Variants in ZC3HAV1 observed in about 807,000 individuals in gnomAD.
The protein encoded by ZC3HAV1 is zinc finger CCCH-type antiviral protein 1.
A neutral mutation model predicts 86.6 loss-of-function variants in ZC3HAV1; 41 were observed. That is an observed-to-expected ratio of 0.47 (90% CI 0.37 to 0.61). The LOEUF is 0.61. Among genes scored for constraint, ZC3HAV1 ranks in the 20% least tolerant of loss-of-function variants. ZC3HAV1 has a pLI of 0.00. For missense variants in ZC3HAV1, 964 were observed against 1,141.1 expected (o/e 0.84, Z 2.24); for synonymous variants, 421 against 432.1 (o/e 0.97, Z 0.32).
chr7:139,087,110 G>A (rs930510401), intron 2 of ZC3HAV1, among the ~76,000 whole-genome samples: 15 of 152,244 alleles, frequency 9.9e-5, no homozygotes, highest in African/African-American at 2.9e-4. Context: ...CTAAGCCTCC[G>A]GGTTAACACT....
intron 2 of ZC3HAV1, among the ~76,000 whole-genome samples, chr7:139,088,214 C>T (rs1438567779): frequency 1.3e-5 from 2 of 152,102 alleles, no homozygotes; most frequent in Non-Finnish European, 2.9e-5. Flanking sequence ...AAACAGTATT[C>T]TCTGATCCTT....
At chr7:139,085,765 C>A (rs943801212) in intron 2 of ZC3HAV1, among the ~76,000 whole-genome samples, 1 of 152,144 alleles carries the variant, frequency 6.6e-6, no homozygotes, top group South Asian at 2.1e-4. Flanking sequence ...GTAATCCCAG[C>A]ACTTTGGGAG....
At position 139,064,934 on chromosome 7, in the gene ZC3HAV1, C is replaced by G; in HGVS notation, c.1938G>C (p.Pro646=). The change falls in exon 8 of 13, where the codon CCG becomes CCC. Residue 646 remains proline (P), a synonymous_variant. Coordinates refer to ENST00000242351, the MANE Select transcript of ZC3HAV1 (RefSeq NM_020119.4). ...CCGCCTGAAATGGCACAACTCCCCT[C>G]GGACAGGATTGATAGAGAGACTCCA... ...SYLESLYQSC[P]RGVVPFQAGS... The G allele has an allele frequency of 1.9e-6, 3 of 1,614,174 alleles. No homozygotes were observed. The highest frequency in any genetic ancestry group is 2.2e-5 in the East Asian group (1 of 44,890).
intron 2 of ZC3HAV1, among the ~76,000 whole-genome samples, chr7:139,086,626 G>A (rs958016045): frequency 1.3e-5 from 2 of 152,112 alleles, no homozygotes; most frequent in African/African-American, 4.8e-5. Context: ...GAAGTGATAT[G>A]GTTTGGCTGT....
intron 8 of ZC3HAV1, among the ~76,000 whole-genome samples, chr7:139,062,905 T>A (rs1336241340): frequency 1.3e-5 from 2 of 151,632 alleles, no homozygotes; most frequent in African/African-American, 4.8e-5. Flanking sequence ...AGCACACACC[T>A]GTAGTCCCAG....
At chr7:139,088,565 G>A (rs1041264871) in intron 2 of ZC3HAV1, among the ~76,000 whole-genome samples, 2 of 152,154 alleles carry the variant, frequency 1.3e-5, no homozygotes, top group Non-Finnish European at 2.9e-5. Flanking sequence ...AGATAACAGA[G>A]CTGACCTACT....
chr7:139,088,955 A>AGCCGG (rs2130718399), intron 2 of ZC3HAV1, among the ~76,000 whole-genome samples: 1 of 152,090 alleles, frequency 6.6e-6, no homozygotes, highest in African/African-American at 2.4e-5. Context: ...TATAAAAATT[A>AGCCGG]GCCGGGCATG....
chr7:139,058,985 A>G (rs1445022362), intron 9 of ZC3HAV1, among the ~76,000 whole-genome samples: 1 of 149,818 alleles, frequency 6.7e-6, no homozygotes, highest in Non-Finnish European at 1.5e-5. Flanking sequence ...TGAATTGTTA[A>G]AAAATCAAAA....
chr7:139,078,043 A>T (rs1356531429), intron 5 of ZC3HAV1, among the ~76,000 whole-genome samples: 1 of 152,202 alleles, frequency 6.6e-6, no homozygotes, highest in Non-Finnish European at 1.5e-5. Context: ...GTTCAAGACC[A>T]GCCTGGCCAA....
At chr7:139,061,217 C>A in intron 8 of ZC3HAV1, 79 bp from the exon 9 acceptor site, 2 of 1,376,944 alleles carry the variant, frequency 1.5e-6, no homozygotes, top group Non-Finnish European at 2.0e-6. Flanking sequence ...TTTGCAGAGG[C>A]TATTTACACG....
At chr7:139,060,246 A>C in intron 9 of ZC3HAV1, 1 of 985,310 alleles carries the variant, frequency 1.0e-6, no homozygotes, top group Non-Finnish European at 1.2e-6. Context: ...AACCAAAAGA[A>C]CCTAGTTAGA....
intron 1 of ZC3HAV1, among the ~76,000 whole-genome samples, chr7:139,096,398 A>G (rs1330992284): frequency 6.6e-6 from 1 of 152,130 alleles, no homozygotes; most frequent in Non-Finnish European, 1.5e-5. Flanking sequence ...ACCCGCCACA[A>G]TACTTCCCAG....
In ZC3HAV1 at chr7:139,054,073, T is replaced by C. The variant is rs775926377; in HGVS notation, c.2210A>G (p.His737Arg). Residue 737 changes from histidine (H) to arginine (R), a missense_variant, in exon 11 of 13, where the codon CAT (histidine) becomes CGT (arginine). His to Arg is a conservative substitution (Grantham distance 29). Coordinates refer to ENST00000242351, the MANE Select transcript of ZC3HAV1 (RefSeq NM_020119.4). ...CTCACTTACTCTGACATATTCTGGA[T>C]GTAGGTGATGGATCTCTGACAACTA... ...KYKLSEIHHL[H>R]PEYVRVSEHF... 1.0e-4 allele frequency: 162 copies of C among 1,584,798 alleles called. No individual in the cohort carries two copies. The highest frequency in any genetic ancestry group is 1.3e-4 in the Non-Finnish European group (155 of 1,172,218).
intron 1 of ZC3HAV1, among the ~76,000 whole-genome samples, chr7:139,107,718 G>A (rs146018538): frequency 6.6e-6 from 1 of 152,188 alleles, no homozygotes; most frequent in Non-Finnish European, 1.5e-5. Flanking sequence ...CAGGAGAATC[G>A]CTTGAACCTG....
intron 7 of ZC3HAV1, among the ~76,000 whole-genome samples, chr7:139,071,963 T>A (rs1391600723): frequency 6.6e-6 from 1 of 152,124 alleles, no homozygotes; most frequent in Non-Finnish European, 1.5e-5. Context: ...TAGGAGGTGT[T>A]TTTCTCAGGC....
At chr7:139,100,916 C>T (rs947178541) in intron 1 of ZC3HAV1, among the ~76,000 whole-genome samples, 1 of 152,218 alleles carries the variant, frequency 6.6e-6, no homozygotes, top group Non-Finnish European at 1.5e-5. Flanking sequence ...TGTACTGCTG[C>T]CATCTCGGCT....
At chr7:139,104,804 G>C (rs894880194) in intron 1 of ZC3HAV1, among the ~76,000 whole-genome samples, 1 of 151,180 alleles carries the variant, frequency 6.6e-6, no homozygotes, top group Non-Finnish European at 1.5e-5. Context: ...TGGGAGGCTG[G>C]GAAGATTGCT....
chr7:139,058,514 G>C (rs1816354997), intron 9 of ZC3HAV1, among the ~76,000 whole-genome samples: 1 of 151,424 alleles, frequency 6.6e-6, no homozygotes. Context: ...GGTTGGTGGG[G>C]AGGGAGGGGG....
intron 7 of ZC3HAV1, among the ~76,000 whole-genome samples, chr7:139,069,767 C>T (rs991957703): frequency 2.0e-5 from 3 of 152,208 alleles, no homozygotes; most frequent in African/African-American, 7.2e-5. Context: ...ACTCTGTTGG[C>T]AGAAGTTTCT....
Sources: allele counts gnomAD v4.1 joint callset (sites outside exome capture counted in the v4.1 genomes callset), GRCh38; gene constraint gnomAD v4.1.1; transcripts MANE v1.5; gene names NCBI Gene and HGNC (gene_info 2026-07-23, HGNC 2026-07-21).